The following POFUT3 variants were observed in gnomAD, a reference collection of about 807,000 sequenced individuals.
POFUT3 encodes the protein protein O-fucosyltransferase 3.
At chr8:33,354,796 T>C in the POFUT3 span, among the ~76,000 whole-genome samples, 1 of 152,180 alleles carries the variant, frequency 6.6e-6, no homozygotes, top group East Asian at 1.9e-4. Context: ...ACTTGACTAA[T>C]GGCGTCTTTG....
At chr8:33,336,474 G>C in the POFUT3 span, among the ~76,000 whole-genome samples, 20 of 152,156 alleles carry the variant, frequency 1.3e-4, no homozygotes, top group Non-Finnish European at 2.5e-4. Flanking sequence ...TTTTTTAATA[G>C]TGGCTGTTTT....
chr8:33,372,835 A>C, the POFUT3 span: 1 of 1,597,644 alleles, frequency 6.3e-7, no homozygotes, highest in Non-Finnish European at 8.6e-7. Flanking sequence ...AATGAATTAA[A>C]AACATATGAT....
the POFUT3 span, among the ~76,000 whole-genome samples, chr8:33,425,061 G>C: frequency 2.6e-5 from 4 of 152,138 alleles, no homozygotes; most frequent in Non-Finnish European, 4.4e-5. Flanking sequence ...TCAGAGGCCG[G>C]GTGCTGGCTC....
At chr8:33,391,391 T>C in the POFUT3 span, among the ~76,000 whole-genome samples, 1 of 152,370 alleles carries the variant, frequency 6.6e-6, no homozygotes, top group South Asian at 2.1e-4. Context: ...AATGGGCTTG[T>C]CCTTGTTTAT....
At chr8:33,459,969 G>A in the POFUT3 span, among the ~76,000 whole-genome samples, 1 of 152,206 alleles carries the variant, frequency 6.6e-6, no homozygotes, top group Admixed American at 6.5e-5. Context: ...GCCGAGGCGG[G>A]TGGATCACTT....
the POFUT3 span, among the ~76,000 whole-genome samples, chr8:33,422,315 G>T: frequency 6.6e-6 from 1 of 151,672 alleles, no homozygotes; most frequent in African/African-American, 2.4e-5. Flanking sequence ...GGCCAAGATG[G>T]GTGGATCACC....
the POFUT3 span, among the ~76,000 whole-genome samples, chr8:33,405,586 C>T: frequency 2.0e-5 from 3 of 152,022 alleles, no homozygotes; most frequent in African/African-American, 7.2e-5. Flanking sequence ...TTAACCTGAC[C>T]TTTGGTATGA....
the POFUT3 span, among the ~76,000 whole-genome samples, chr8:33,427,218 G>T: frequency 1.3e-5 from 2 of 152,140 alleles, no homozygotes; most frequent in African/African-American, 4.8e-5. Flanking sequence ...CCAGCTACTT[G>T]AAAGGCAGAG....
the POFUT3 span, chr8:33,436,243 T>G: frequency 3.3e-5 from 44 of 1,353,742 alleles, no homozygotes; most frequent in Non-Finnish European, 4.5e-5. Context: ...TGTATTCTCA[T>G]GCACAACAAC....
the POFUT3 span, among the ~76,000 whole-genome samples, chr8:33,450,332 C>T: frequency 0.01 from 1,550 of 152,320 alleles, 28 homozygotes; most frequent in African/African-American, 0.035. Context: ...TCGTGGTACA[C>T]GTACCATTTG....
At chr8:33,459,593 A>G in the POFUT3 span, among the ~76,000 whole-genome samples, 1 of 151,734 alleles carries the variant, frequency 6.6e-6, no homozygotes, top group Non-Finnish European at 1.5e-5. Context: ...CAGTGAGCCG[A>G]GATCATGCCA....
chr8:33,453,409 T>G, the POFUT3 span: 1 of 1,614,158 alleles, frequency 6.2e-7, no homozygotes, highest in East Asian at 2.2e-5. Context: ...TCTTAAGAAA[T>G]GAATTAAGAT....
At chr8:33,420,348 T>C in the POFUT3 span, among the ~76,000 whole-genome samples, 1 of 152,174 alleles carries the variant, frequency 6.6e-6, no homozygotes, top group African/African-American at 2.4e-5. Context: ...GTCTTAGTAA[T>C]ATGAACAATG....
At chr8:33,392,203 G>A in the POFUT3 span, among the ~76,000 whole-genome samples, 4 of 152,190 alleles carry the variant, frequency 2.6e-5, no homozygotes, top group African/African-American at 9.7e-5. Flanking sequence ...GCGTGCGCAT[G>A]TGTGCAATCA....
At chr8:33,320,655 G>A in the POFUT3 span, among the ~76,000 whole-genome samples, 1 of 152,104 alleles carries the variant, frequency 6.6e-6, no homozygotes, top group Non-Finnish European at 1.5e-5. Flanking sequence ...TGGGCTGAAC[G>A]ATTAAGATAG....
chr8:33,382,476 G>T, the POFUT3 span, among the ~76,000 whole-genome samples: 6 of 152,072 alleles, frequency 3.9e-5, no homozygotes, highest in African/African-American at 1.4e-4. Flanking sequence ...AAAGTTAACA[G>T]ATGGGTGGCA....
the POFUT3 span, among the ~76,000 whole-genome samples, chr8:33,378,285 G>A: frequency 6.6e-6 from 1 of 152,144 alleles, no homozygotes. Flanking sequence ...AGTAGCAAAC[G>A]CTTCTGCTCC....
chr8:33,379,991 G>GTA, the POFUT3 span, among the ~76,000 whole-genome samples: 3 of 36,606 alleles, frequency 8.2e-5, no homozygotes, highest in Admixed American at 3.3e-4. Flanking sequence ...TATATATATA[G>GTA]TATATATATA....
the POFUT3 span, among the ~76,000 whole-genome samples, chr8:33,441,279 C>T: frequency 8.4e-5 from 12 of 142,532 alleles, no homozygotes; most frequent in South Asian, 1.3e-3. Context: ...TGCAGTGAGC[C>T]GAGATCATGC....
Sources: allele counts gnomAD v4.1 joint callset (sites outside exome capture counted in the v4.1 genomes callset), GRCh38; gene constraint gnomAD v4.1.1; transcripts MANE v1.5; gene names NCBI Gene and HGNC (gene_info 2026-07-23, HGNC 2026-07-21).